Variants in HR observed in about 807,000 individuals in gnomAD.
HR encodes the protein lysine-specific demethylase hairless.
In HR, 83 loss-of-function variants were observed where a neutral mutation model predicts 128.6. The ratio of observed to expected loss-of-function variants is 0.65; its 90% CI spans 0.54 to 0.77. HR has a LOEUF of 0.77. Ranked by LOEUF, HR falls within the 30% of genes least tolerant of loss-of-function variation. The probability of loss-of-function intolerance (pLI) is 0.00; values close to 1 mark genes in which losing one functional copy is unlikely to be tolerated. For synonymous variants in HR, 681 were observed against 658.2 expected (o/e 1.03, Z -0.53); for missense variants, 1,490 against 1,574.6 (o/e 0.95, Z 0.91).
rs77452325 is a variant in HR at position 22,120,689 on chromosome 8, C to A, written c.2610+27G>T. The A allele has an allele frequency of 2.7e-6, 4 of 1,501,684 alleles. No individual in the cohort carries two copies. The South Asian group carries it at 3.8e-5, about 14-fold the overall frequency. 93.0% of individuals were successfully genotyped at this position (1,501,684 alleles called of 1,614,324 possible). Reference sequence around the variant, plus strand: ...GAGGGGCAGGTGGGGTGGCCAGGGCCGGGAGGGGAGGGGAGGGGTGCCTCA... The same window carrying A: ...GAGGGGCAGGTGGGGTGGCCAGGGCAGGGAGGGGAGGGGAGGGGTGCCTCA... On this transcript the variant is annotated intron_variant, in intron 11 of 18. Coordinates refer to ENST00000381418, the MANE Select transcript of HR (RefSeq NM_005144.5).
At position 22,129,031 on chromosome 8, in the gene HR, G is replaced by A. The variant is rs759321060; in HGVS notation, c.140C>T (p.Ala47Val). ...GCTCAGGACGCCCCTCCAAAAGGGA[G>A]CAGGCTCTCCCAGGCACAGCGGCCC... is the stretch of plus-strand genomic sequence containing the variant. The part of the protein sequence containing the change: ...HHGPLCLGEP[A>V]PFWRGVLSTP... Residue 47 changes from alanine (A) to valine (V), a missense_variant, in exon 2 of 19, where the codon GCT (alanine) becomes GTT (valine). Physicochemically the swap from Ala to Val is moderately conservative, Grantham distance 64. Around this residue, in one of 3 missense-constraint regions of HR, gnomAD observed 1,060 missense variants for 1,060.9 expected, o/e 1.00. Coordinates refer to ENST00000381418, the MANE Select transcript of HR (RefSeq NM_005144.5). The A allele has an allele frequency of 1.9e-6, 3 of 1,607,978 alleles. No individual in the cohort carries two copies. The highest frequency in any genetic ancestry group is 2.2e-5 in the South Asian group (2 of 90,572).
intron 2 of HR, chr8:22,128,122 G>A (rs1826949005): frequency 3.6e-6 from 2 of 554,838 alleles, no homozygotes; most frequent in Admixed American, 6.1e-5. Context: ...GGTGTCCTGT[G>A]CCATACTGAG....
At position 22,121,185 on chromosome 8, in the gene HR, G is replaced by T; in HGVS notation, c.2247C>A (p.Gly749=). The T allele has an allele frequency of 6.2e-7, 1 of 1,613,944 alleles. No individual in the cohort carries two copies. Among genetic ancestry groups the T allele is most frequent in the Non-Finnish European group, 8.5e-7 (1 of 1,180,036 alleles). ...GAGAAGGACAAGGCAGGGGCCCTCG[G>T]CCAGCACGGTCCTCTGCTGGGGTCT... ...SAETPAEDRA[G]RGPLPCPSLC... Residue 749 remains glycine, a synonymous_variant, in exon 10 of 19, where the codon GGC becomes GGA. Transcript: ENST00000381418.
chr8:22,119,993 A>T, intron 13 of HR, 103 bp from the exon 14 acceptor site: 1 of 1,594,652 alleles, frequency 6.3e-7, no homozygotes, highest in Non-Finnish European at 8.6e-7. Context: ...CAAACATGAG[A>T]GTACCAGGGA....
At position 22,128,444 on chromosome 8, in the gene HR, C is replaced by T. The variant is rs1174511694; in HGVS notation, c.612+115G>A. 10 of 1,421,158 alleles carry T rather than the reference C, an allele frequency of 7.0e-6. No individual in the cohort carries two copies. The African/African-American group carries it at 1.3e-4, about 18-fold the overall frequency. 88.0% of individuals were successfully genotyped at this position (1,421,158 alleles called of 1,614,324 possible). The stretch of plus-strand genomic sequence containing the variant: ...CCTGGGACAGCTCCAAGCTGATAGA[C>T]CCCTCTACCTCGGTGCTGCCTTCTC... On this transcript the variant is annotated intron_variant, in intron 2 of 18. Transcript: ENST00000381418.
chr8:22,120,005 C>G, intron 13 of HR, 99 bp downstream of exon 13: 2 of 1,583,574 alleles, frequency 1.3e-6, no homozygotes, highest in South Asian at 2.3e-5. Context: ...TACCAGGGAC[C>G]ACGGGGTGGG....
intron 18 of HR, among the ~76,000 whole-genome samples, 157 bp from the exon 19 acceptor site, chr8:22,115,919 T>G (rs1826573720): frequency 3.3e-5 from 5 of 151,988 alleles, no homozygotes. Flanking sequence ...TCATTTGAGG[T>G]CAGGAGTTCA....
rs774052279 is a variant in HR, at chr8:22,125,585, C to G, written c.1553G>C (p.Arg518Pro). 2 of 1,612,864 alleles carry G rather than the reference C, an allele frequency of 1.2e-6. No homozygotes were observed. The highest frequency in any genetic ancestry group is 3.3e-5 in the Admixed American group (2 of 59,898). The change falls in exon 4 of 19, where the codon CGG (arginine) becomes CCG (proline). Residue 518 changes from arginine (R) to proline (P), a missense_variant. Physicochemically the swap from Arg to Pro is moderately radical, Grantham distance 103. Transcript: ENST00000381418. ...GGHACHSQQVRRSPLGGELQQ... is the reference protein window; with the variant it reads ...GGHACHSQQVPRSPLGGELQQ... ...GTGTCCAGGGGCAATGGCTCACCTC[C>G]GCACTTGCTGAGAGTGGCAGGCGTG... is the stretch of plus-strand genomic sequence containing the variant.
chr8:22,117,333 C>T (rs573529211), intron 16 of HR: 21 of 405,548 alleles, frequency 5.2e-5, no homozygotes, highest in South Asian at 3.4e-4. Flanking sequence ...TCTGTGACCT[C>T]GGCCCCTCTC....
chr8:22,117,341 C>G (rs1167126042), intron 16 of HR: 1 of 405,192 alleles, frequency 2.5e-6, no homozygotes, highest in Non-Finnish European at 4.4e-6. Flanking sequence ...CTCGGCCCCT[C>G]TCCTCCCTCT....
At chr8:22,130,209 C>T (rs181791561) in intron 1 of HR, among the ~76,000 whole-genome samples, 4 of 152,360 alleles carry the variant, frequency 2.6e-5, no homozygotes, top group African/African-American at 9.6e-5. Flanking sequence ...GACGAAGCCC[C>T]AGGCGGGAGG....
intron 16 of HR, chr8:22,118,558 C>A: frequency 3.6e-6 from 1 of 277,618 alleles, no homozygotes; most frequent in Non-Finnish European, 7.0e-6. Context: ...CAGACAGAAG[C>A]TCAGATCCCA....
intron 1 of HR, 148 bp from the exon 2 acceptor site, chr8:22,129,358 C>T (rs1826991267): frequency 1.7e-6 from 1 of 594,978 alleles, no homozygotes; most frequent in African/African-American, 1.8e-5. Flanking sequence ...ACCATGCTGC[C>T]TCTCCACATG....
At chr8:22,126,999 T>G in intron 3 of HR, 38 bp downstream of exon 3, 7 of 1,109,264 alleles carry the variant, frequency 6.3e-6, no homozygotes, top group South Asian at 1.3e-5. Context: ...GGCTGCCCCC[T>G]CCCACGCAGG....
rs373927683 is a variant in HR, at chr8:22,119,845, G to A, written c.2892C>T (p.Ala964=). 6.2e-6 allele frequency: 10 copies of A among 1,613,702 alleles called. 1 individual carries two copies. The African/African-American group carries it at 1.3e-4, about 22-fold the overall frequency. The change falls in exon 14 of 19, where the codon GCC becomes GCT. Residue 964 remains alanine, a synonymous_variant. Coordinates refer to ENST00000381418, the MANE Select transcript of HR (RefSeq NM_005144.5). ...AAGCCAGGTTGAGTTTTCCATGGAG[G>A]GCGCAGTACTCCGGAAGTGGCAGAC... ...AASLPLPEYC[A]LHGKLNLASY... is the part of the protein sequence containing the mutation.
chr8:22,115,538 A>C lies in HR; in HGVS notation c.*162T>G. Reference sequence around the variant, plus strand: ...TTGGTGGCACTGTGGTTGTTGGCTTAAGGGGGAGGGGAACAGAGTGCCCTG... The same window carrying C: ...TTGGTGGCACTGTGGTTGTTGGCTTCAGGGGGAGGGGAACAGAGTGCCCTG... On this transcript the variant is annotated 3_prime_UTR_variant, in exon 19 of 19. Transcript: ENST00000381418. 1 of 689,764 alleles carries C rather than the reference A, an allele frequency of 1.4e-6. No homozygotes were observed. The highest frequency in any genetic ancestry group is 1.6e-5 in the South Asian group (1 of 61,658). 42.7% of individuals were successfully genotyped at this position (689,764 alleles called of 1,614,324 possible).
At position 22,122,728 on chromosome 8, in the gene HR, C is replaced by T. The variant is rs532716682; in HGVS notation, c.2005+62G>A. On this transcript the variant is annotated intron_variant, in intron 7 of 18. Coordinates refer to ENST00000381418, the MANE Select transcript of HR (RefSeq NM_005144.5). Reference sequence around the variant, plus strand: ...GGCACTGGGGGGAGGGACAATCAGACGGGAAGCTGGTCTCCCTCAGGACCC... The same window carrying T: ...GGCACTGGGGGGAGGGACAATCAGATGGGAAGCTGGTCTCCCTCAGGACCC... 2.9e-5 allele frequency: 44 copies of T among 1,506,706 alleles called. 1 individual carries two copies. The highest frequency in any genetic ancestry group is 2.1e-4 in the Middle Eastern group (1 of 4,666). 93.3% of individuals were successfully genotyped at this position (1,506,706 alleles called of 1,614,324 possible). A position where few individuals can be genotyped will look rare whatever the true frequency, so the allele number is the denominator to read the frequency against.
At position 22,116,927 on chromosome 8, in the gene HR, A is replaced by G. The variant is rs1473907356; in HGVS notation, c.3326T>C (p.Leu1109Pro). The change falls in exon 17 of 19, where the codon CTG (leucine) becomes CCG (proline). Residue 1109 changes from leucine to proline, a missense_variant. Leu to Pro is a moderately conservative substitution (Grantham distance 98, BLOSUM62 -3). Around this residue, in one of 3 missense-constraint regions of HR, gnomAD observed 423 missense variants for 495.9 expected, o/e 0.85. Coordinates refer to ENST00000381418, the MANE Select transcript of HR (RefSeq NM_005144.5). This position sits in a 1 kb window ranked among gnomAD's most constrained non-coding sequence, Gnocchi z 4.2. ...CACGGCCTCTCCGGGGGCCTGGAGC[A>G]GGGTCCAGCAGCTCACGCCCCACTC... Reference protein sequence around the residue: ...REEWGVSCWTLLQAPGEAVLV... With the variant: ...REEWGVSCWTPLQAPGEAVLV... 2 of 1,552,520 alleles carry G rather than the reference A, an allele frequency of 1.3e-6. No individual in the cohort carries two copies. Among genetic ancestry groups the G allele is most frequent in the Non-Finnish European group, 1.7e-6 (2 of 1,154,486 alleles).
At chr8:22,117,266 C>T (rs1826617185) in intron 16 of HR, 1 of 528,078 alleles carries the variant, frequency 1.9e-6, no homozygotes, top group Non-Finnish European at 3.3e-6. Context: ...GATTCAAGGC[C>T]CTACAGTTGG....
Sources: allele counts gnomAD v4.1 joint callset (sites outside exome capture counted in the v4.1 genomes callset), GRCh38; gene constraint gnomAD v4.1.1; regional missense constraint gnomAD v4.1.1; non-coding constraint Gnocchi (gnomAD v3.1); transcripts MANE v1.5; gene names NCBI Gene and HGNC (gene_info 2026-07-23, HGNC 2026-07-21).